The following ZNF827 variants were observed in gnomAD, a reference collection of about 807,000 sequenced individuals.
ZNF827 encodes the protein zinc finger protein 827.
In ZNF827, 13 loss-of-function variants were observed where a neutral mutation model predicts 102.4. That is an observed-to-expected ratio of 0.13 (90% CI 0.08 to 0.20). The LOEUF (loss-of-function observed/expected upper bound fraction) is 0.20, where lower values mean the gene tolerates loss of function less well. ZNF827 is among the 10% of genes least tolerant of loss of function. ZNF827 has a pLI of 1.00. For synonymous variants in ZNF827, 523 were observed against 536.2 expected (o/e 0.98, Z 0.34); for missense variants, 1,103 against 1,344.4 (o/e 0.82, Z 2.81).
At chr4:145,824,647 T>C (rs1175845848) in intron 7 of ZNF827, among the ~76,000 whole-genome samples, 1 of 152,100 alleles carries the variant, frequency 6.6e-6, no homozygotes, top group Non-Finnish European at 1.5e-5. Flanking sequence ...CCCCTCCCCC[T>C]ACCTCTCACC....
chr4:145,912,438 C>A (rs571498592), intron 1 of ZNF827, among the ~76,000 whole-genome samples: 1 of 152,194 alleles, frequency 6.6e-6, no homozygotes, highest in South Asian at 2.1e-4. Context: ...TAAAAATCAC[C>A]AGGCTTATTA....
chr4:145,769,484 T>TAAA (rs1735920882), intron 11 of ZNF827, among the ~76,000 whole-genome samples: 1 of 152,234 alleles, frequency 6.6e-6, no homozygotes, highest in Non-Finnish European at 1.5e-5. Flanking sequence ...AAACATAGAT[T>TAAA]CAAGTACCCT....
At chr4:145,823,771 T>C (rs1473580227) in intron 7 of ZNF827, among the ~76,000 whole-genome samples, 3 of 152,344 alleles carry the variant, frequency 2.0e-5, no homozygotes, top group East Asian at 1.9e-4. Context: ...AACATCATCT[T>C]TGAAACACTG....
intron 1 of ZNF827, among the ~76,000 whole-genome samples, chr4:145,933,421 TAAGAG>T (rs1753951930): frequency 6.6e-6 from 1 of 152,114 alleles, no homozygotes. Context: ...TAAAAGTAAA[TAAGAG>T]AAAAGAGTTC....
chr4:145,864,182 C>CCA (rs143930317), intron 5 of ZNF827, among the ~76,000 whole-genome samples: 56 of 150,664 alleles, frequency 3.7e-4, no homozygotes, highest in South Asian at 2.5e-3. Flanking sequence ...ACACAACCTC[C>CCA]CACACACACA....
chr4:145,918,725 C>T (rs1357663981), intron 1 of ZNF827, among the ~76,000 whole-genome samples: 1 of 152,150 alleles, frequency 6.6e-6, no homozygotes, highest in Admixed American at 6.5e-5. Flanking sequence ...CAGCTCTCAC[C>T]CCAGCACACA....
At chr4:145,929,033 T>A (rs931317778) in intron 1 of ZNF827, among the ~76,000 whole-genome samples, 1 of 152,234 alleles carries the variant, frequency 6.6e-6, no homozygotes, top group Non-Finnish European at 1.5e-5. Flanking sequence ...GATTTTTATA[T>A]GAAACCTCCG....
At chr4:145,868,283 C>T (rs955266265) in intron 5 of ZNF827, among the ~76,000 whole-genome samples, 20 of 152,312 alleles carry the variant, frequency 1.3e-4, no homozygotes, top group African/African-American at 4.8e-4. Flanking sequence ...TAGACCACCG[C>T]ATCTAAGGGT....
intron 5 of ZNF827, among the ~76,000 whole-genome samples, chr4:145,861,893 C>T (rs1359470389): frequency 2.6e-5 from 4 of 152,146 alleles, no homozygotes; most frequent in Non-Finnish European, 5.9e-5. Context: ...TGCAGCTATG[C>T]GACAGGGAGA....
intron 1 of ZNF827, among the ~76,000 whole-genome samples, chr4:145,921,693 G>C (rs1017334055): frequency 1.2e-4 from 18 of 152,146 alleles, no homozygotes; most frequent in Non-Finnish European, 2.4e-4. Flanking sequence ...TGTCTCAGAT[G>C]AGTGGGTTCA....
chr4:145,844,572 C>T (rs111393130), intron 7 of ZNF827, among the ~76,000 whole-genome samples: 2,701 of 151,418 alleles, frequency 0.018, 76 homozygotes, highest in African/African-American at 0.062. Flanking sequence ...TCCAGCTACT[C>T]GGGAGGCTGA....
chr4:145,833,407 C>T (rs982192288), intron 7 of ZNF827, among the ~76,000 whole-genome samples: 15 of 152,164 alleles, frequency 9.9e-5, no homozygotes, highest in East Asian at 1.9e-4. Flanking sequence ...TATTCACCCA[C>T]GTTTCAAAGG....
intron 7 of ZNF827, chr4:145,831,285 T>A (rs1055135003): frequency 2.0e-5 from 3 of 152,348 alleles, no homozygotes; most frequent in East Asian, 1.9e-4. Flanking sequence ...AGGGACCTCC[T>A]GTGACCCCAG....
chr4:145,907,730 C>T (rs1313699293), intron 1 of ZNF827, among the ~76,000 whole-genome samples: 1 of 152,188 alleles, frequency 6.6e-6, no homozygotes, highest in Non-Finnish European at 1.5e-5. Flanking sequence ...GAGAAGAAAG[C>T]TATTTCCATT....
intron 6 of ZNF827, among the ~76,000 whole-genome samples, chr4:145,846,700 C>T (rs1452127697): frequency 7.4e-6 from 1 of 135,488 alleles, no homozygotes; most frequent in Admixed American, 7.7e-5. Context: ...GCCTGTAGTC[C>T]CAGCTACTTG....
At chr4:145,930,361 A>ATC (rs1327612723) in intron 1 of ZNF827, among the ~76,000 whole-genome samples, 1 of 152,146 alleles carries the variant, frequency 6.6e-6, no homozygotes, top group East Asian at 1.9e-4. Context: ...TGAGATCCAC[A>ATC]TCTCTCTCTC....
In ZNF827 at chr4:145,938,648, G is replaced by A; in HGVS notation, c.-241C>T. 1.9e-6 allele frequency: 1 copy of A among 532,156 alleles called. No homozygotes were observed. Among genetic ancestry groups the A allele is most frequent in the Non-Finnish European group, 3.3e-6 (1 of 301,226 alleles). The allele number at this position is 532,156 out of a possible 1,614,324, so 33.0% of individuals were successfully genotyped here. A position where few individuals can be genotyped will look rare whatever the true frequency, so the allele number is the denominator to read the frequency against. ...TTTTTTTTTTTTTTTTAAATTTTTG[G>A]TCGTGCACCTGGCTTGTCCCCGAGC... On this transcript the variant is annotated 5_prime_UTR_variant, in exon 1 of 15. Transcript: ENST00000508784.
intron 7 of ZNF827, among the ~76,000 whole-genome samples, chr4:145,835,753 G>A (rs979885103): frequency 7.7e-5 from 9 of 117,588 alleles, no homozygotes; most frequent in African/African-American, 2.8e-4. Context: ...CCCGCAGCAC[G>A]CTTTAAAAGG....
At chr4:145,766,465 T>C (rs1248827966) in intron 11 of ZNF827, among the ~76,000 whole-genome samples, 1 of 152,136 alleles carries the variant, frequency 6.6e-6, no homozygotes, top group Non-Finnish European at 1.5e-5. Flanking sequence ...AGGTGAGCCA[T>C]ATGACTGATC....
Sources: gnomAD v4.1 joint callset for allele counts (sites outside exome capture counted in the v4.1 genomes callset) on GRCh38, gnomAD v4.1.1 for gene constraint, MANE v1.5 for transcripts, NCBI Gene and HGNC (gene_info 2026-07-23, HGNC 2026-07-21) for gene names.